The following SPDYE21 variants were observed in gnomAD, a reference collection of about 807,000 sequenced individuals.
SPDYE21 encodes the protein speedy/RINGO cell cycle regulator family member E21, also known as speedy protein E21.
SPDYE21 carries 14 observed loss-of-function variants against 36.2 expected under a neutral mutation model. That is an observed-to-expected ratio of 0.39 (90% CI 0.26 to 0.61). The LOEUF is 0.61. Among genes scored for constraint, SPDYE21 ranks in the 20% least tolerant of loss-of-function variants. The pLI is 0.55. For missense variants in SPDYE21, 233 were observed against 424.6 expected, an observed-to-expected ratio of 0.55 and a Z score of 3.97; for synonymous variants, 58 against 155.1, an observed-to-expected ratio of 0.37 and a Z score of 4.65.
chr7:67,279,822 T>C lies in SPDYE21; in HGVS notation c.165T>C (p.Pro55=). Residue 55 remains proline, a synonymous_variant, in exon 3 of 9, where the codon CCT becomes CCC. Coordinates refer to ENST00000424157, the MANE Select transcript of SPDYE21 (RefSeq NM_001382715.2). ...VDDEVLGPSA[P]GVDPSPPCRS... ...TGGCCTGGTTTCTTTACTCAGCCCC[T>C]GGGGTAGATCCCAGCCCCCCATGTA... The C allele has an allele frequency of 6.3e-7, 1 of 1,594,374 alleles. No homozygotes were observed.
intron 6 of SPDYE21, among the ~76,000 whole-genome samples, chr7:67,285,381 A>T (rs1469627693): frequency 6.8e-6 from 1 of 146,900 alleles, no homozygotes; most frequent in African/African-American, 2.5e-5. Flanking sequence ...ACACCTGGAC[A>T]GTTTGTTTGT....
At chr7:67,287,397 G>A (rs1051329877) in intron 8 of SPDYE21, among the ~76,000 whole-genome samples, 121 bp from the exon 9 acceptor site, 1 of 152,168 alleles carries the variant, frequency 6.6e-6, no homozygotes, top group South Asian at 2.1e-4. Context: ...AGAATGAAAG[G>A]CAGCAGATAA....
rs540667886 is a variant in SPDYE21 at position 67,286,292 on chromosome 7, G to C, written c.1004G>C (p.Arg335Pro). ...RKYRSRIPLVRKRRFQLRRCM... is the reference protein window; with the variant it reads ...RKYRSRIPLVPKRRFQLRRCM... Reference sequence around the variant, plus strand: ...TACCGCTCTCGCATACCCTTGGTCCGTAAGCGTCGGTTCCAGTTACGCCGT... The same window carrying C: ...TACCGCTCTCGCATACCCTTGGTCCCTAAGCGTCGGTTCCAGTTACGCCGT... Residue 335 changes from arginine to proline, a missense_variant, in exon 7 of 9, where the codon CGT becomes CCT. Physicochemically the swap from Arg to Pro is moderately radical, Grantham distance 103. Coordinates refer to ENST00000424157, the MANE Select transcript of SPDYE21 (RefSeq NM_001382715.2). The C allele has an allele frequency of 8.1e-6, 13 of 1,601,000 alleles. No individual in the cohort carries two copies. In the African/African-American group the frequency reaches 1.6e-4, roughly 20 times the overall value.
At chr7:67,277,154 T>C (rs1200078516) in intron 1 of SPDYE21, among the ~76,000 whole-genome samples, 92 bp downstream of exon 1, 1 of 152,060 alleles carries the variant, frequency 6.6e-6, no homozygotes, top group Non-Finnish European at 1.5e-5. Flanking sequence ...CTGCGCACCA[T>C]GAGTTCAAGT....
At position 67,278,334 on chromosome 7, in the gene SPDYE21, A is replaced by C. The variant is rs1479118930; in HGVS notation, c.-380A>C. 1.4e-5 allele frequency among the ~76,000 whole-genome samples: 2 copies of C among 138,902 alleles called. No homozygotes were observed. The highest frequency in any genetic ancestry group is 3.1e-5 in the Non-Finnish European group (2 of 64,012). The allele number at this position is 138,902 out of a possible 152,430, so 91.1% of individuals were successfully genotyped here. The stretch of plus-strand genomic sequence containing the variant: ...GCATGTACAGAGACGAAGAGACCCC[A>C]ACATGCTTCAGGCTTTGAGTGGAGA... On this transcript the variant is annotated 5_prime_UTR_variant, in exon 2 of 9. Coordinates refer to ENST00000424157, the MANE Select transcript of SPDYE21 (RefSeq NM_001382715.2).
chr7:67,282,526 C>A lies in SPDYE21; in HGVS notation c.611-109C>A, dbSNP rs538749828. On this transcript the variant is annotated intron_variant, in intron 4 of 8. Coordinates refer to ENST00000424157, the MANE Select transcript of SPDYE21 (RefSeq NM_001382715.2). ...TCCCCTCTCCCATCCACCTCACCCG[C>A]GGCCACAATCCTGAGACTTCCCCCC... 6 of 1,417,820 alleles carry A rather than the reference C, an allele frequency of 4.2e-6. No individual in the cohort carries two copies. In the African/African-American group the frequency reaches 4.2e-5, roughly 10 times the overall value. 87.8% of individuals were successfully genotyped at this position (1,417,820 alleles called of 1,614,324 possible).
In SPDYE21 at chr7:67,288,825, T is replaced by C. The variant is rs1357516760; in HGVS notation, c.*1353T>C. Among the ~76,000 whole-genome samples the C allele has an allele frequency of 6.6e-6, 1 of 150,402 alleles. No homozygotes were observed. The highest frequency in any genetic ancestry group is 1.5e-5 in the Non-Finnish European group (1 of 67,644). On this transcript the variant is annotated 3_prime_UTR_variant, in exon 9 of 9. Transcript: ENST00000424157. ...TTTTTATTTGATATTTCATATATATTTGAAATGTGAGAATTCAGATGTAAT... is the reference window on the plus strand; with the variant it reads ...TTTTTATTTGATATTTCATATATATCTGAAATGTGAGAATTCAGATGTAAT...
intron 4 of SPDYE21, among the ~76,000 whole-genome samples, chr7:67,281,861 C>T (rs1046790745): frequency 2.6e-5 from 4 of 152,130 alleles, no homozygotes; most frequent in Non-Finnish European, 5.9e-5. Flanking sequence ...GATCCCAGCA[C>T]GTTGGGAGGC....
chr7:67,286,351 C>T lies in SPDYE21; in HGVS notation c.1063C>T (p.Gln355Ter). The T allele has an allele frequency of 6.2e-7, 1 of 1,613,896 alleles. No individual in the cohort carries two copies. Among genetic ancestry groups the T allele is most frequent in the East Asian group, 2.2e-5 (1 of 44,876 alleles). Residue 355 changes from glutamine to a stop codon, truncating the protein, a stop_gained, in exon 7 of 9, where the codon CAG becomes TAG. Coordinates refer to ENST00000424157, the MANE Select transcript of SPDYE21 (RefSeq NM_001382715.2). LOFTEE classifies it high-confidence loss of function. ...MNPRARKNRSQIVLFQKLRFQ... is the reference protein window; with the variant it reads ...MNPRARKNRS ...CCCGAGGGCCAGGAAGAACCGCTCT[C>T]AGATAGTCCTGTTCCAGAAACTTCG...
In SPDYE21 at chr7:67,286,169, C is replaced by A. The variant is rs576578784; in HGVS notation, c.881C>A (p.Ser294Tyr). The A allele has an allele frequency of 3.1e-6, 5 of 1,611,706 alleles. No homozygotes were observed. The highest frequency in any genetic ancestry group is 4.2e-6 in the Non-Finnish European group (5 of 1,179,406). The change falls in exon 7 of 9, where the codon TCC becomes TAC. Residue 294 changes from serine to tyrosine, a missense_variant. Coordinates refer to ENST00000424157, the MANE Select transcript of SPDYE21 (RefSeq NM_001382715.2). ...LRKRWFQLGRSMNPRARKNRS... is the reference protein window; with the variant it reads ...LRKRWFQLGRYMNPRARKNRS... ...AAGCGTTGGTTCCAGTTAGGCCGTT[C>A]CATGAACCCGAGGGCCAGGAAGAAC...
At chr7:67,284,702 TC>T (rs1407207453) in intron 6 of SPDYE21, among the ~76,000 whole-genome samples, 1 of 149,674 alleles carries the variant, frequency 6.7e-6, no homozygotes, top group East Asian at 2.0e-4. Flanking sequence ...CTCGCATCAC[TC>T]GAATCCACTG....
chr7:67,284,467 A>G (rs1396154341), intron 6 of SPDYE21, among the ~76,000 whole-genome samples: 1 of 119,040 alleles, frequency 8.4e-6, no homozygotes, highest in African/African-American at 3.0e-5. Flanking sequence ...AAAAAAAAAA[A>G]GCCAAAAAAA....
intron 6 of SPDYE21, among the ~76,000 whole-genome samples, chr7:67,285,732 G>T (rs1264265343): frequency 6.6e-6 from 1 of 152,094 alleles, no homozygotes; most frequent in Non-Finnish European, 1.5e-5. Flanking sequence ...TTGCTATGTT[G>T]CCCAGGCCCG....
At position 67,288,156 on chromosome 7, in the gene SPDYE21, TTTTA is replaced by T. The variant is rs1802775230; in HGVS notation, c.*687_*690del. ...GAGACAATTCTTTTTATCCTAAATA[TTTTA>T]TTATCTTTAAATTTTTTTCTGTATT... On this transcript the variant is annotated 3_prime_UTR_variant, in exon 9 of 9. Coordinates refer to ENST00000424157, the MANE Select transcript of SPDYE21 (RefSeq NM_001382715.2). Among the ~76,000 whole-genome samples the T allele has an allele frequency of 6.6e-6, 1 of 151,620 alleles. No individual in the cohort carries two copies. Among genetic ancestry groups the T allele is most frequent in the African/African-American group, 2.4e-5 (1 of 41,406 alleles).
Position 67,284,277 on chromosome 7 carries a change from C to T in SPDYE21, c.755+279C>T, listed in dbSNP as rs556200522. ...CAGCCTGGCCAACATGGCCAAACCC[C>T]GTCTCTACTAAAACTAGAAAAATTA... On this transcript the variant is annotated intron_variant, in intron 6 of 8. Coordinates refer to ENST00000424157, the MANE Select transcript of SPDYE21 (RefSeq NM_001382715.2). 3.1e-3 allele frequency among the ~76,000 whole-genome samples: 472 copies of T among 151,400 alleles called. 3 individuals carry two copies. Among genetic ancestry groups the T allele is most frequent in the Admixed American group, 5.6e-3 (85 of 15,152 alleles).
intron 3 of SPDYE21, 84 bp from the exon 4 acceptor site, chr7:67,281,283 GGGAGGAT>G: frequency 6.7e-7 from 1 of 1,502,806 alleles, no homozygotes. Flanking sequence ...TGCGAGGCTG[GGGAGGAT>G]GGAGAGTGGT....
chr7:67,284,002 A>G lies in SPDYE21; in HGVS notation c.755+4A>G. 1.4e-6 allele frequency: 2 copies of G among 1,429,986 alleles called. No individual in the cohort carries two copies. The highest frequency in any genetic ancestry group is 2.0e-6 in the Non-Finnish European group (2 of 1,016,418). 88.6% of individuals were successfully genotyped at this position (1,429,986 alleles called of 1,614,324 possible). A position where few individuals can be genotyped will look rare whatever the true frequency, so the allele number is the denominator to read the frequency against. ...GCATTCATTTCTTCCTGGCTCTGTGAGTGGTTTGCTGCCTCCTATCCGTCA... is the reference window on the plus strand; with the variant it reads ...GCATTCATTTCTTCCTGGCTCTGTGGGTGGTTTGCTGCCTCCTATCCGTCA... On this transcript the variant is annotated splice_donor_region_variant and intron_variant, in intron 6 of 8. Coordinates refer to ENST00000424157, the MANE Select transcript of SPDYE21 (RefSeq NM_001382715.2).
chr7:67,286,950 T>G (rs1185109861), intron 8 of SPDYE21, among the ~76,000 whole-genome samples: 2 of 151,802 alleles, frequency 1.3e-5, no homozygotes, highest in South Asian at 2.1e-4. Flanking sequence ...GCCTCAAAAA[T>G]AATCATAAAT....
chr7:67,286,877 T>C (rs3980875), intron 8 of SPDYE21, among the ~76,000 whole-genome samples: 1 of 151,284 alleles, frequency 6.6e-6, no homozygotes, highest in African/African-American at 2.4e-5. Flanking sequence ...CCTGGAAGGT[T>C]GGGGCTGCAC....
Sources: allele counts gnomAD v4.1 joint callset (sites outside exome capture counted in the v4.1 genomes callset), GRCh38; gene constraint gnomAD v4.1.1; transcripts MANE v1.5; gene names NCBI Gene and HGNC (gene_info 2026-07-23, HGNC 2026-07-21).